NALCN: variants seen among roughly 807,000 people sequenced by gnomAD.
The protein encoded by NALCN is sodium leak channel NALCN.
Under a neutral mutation model 225.3 loss-of-function variants are expected in NALCN, and 111 were observed. The observed-to-expected ratio is 0.49, with a 90% confidence interval of 0.42 to 0.58. The LOEUF is 0.58. Among genes scored for constraint, NALCN ranks in the 20% least tolerant of loss-of-function variants. The pLI, the probability that NALCN is intolerant of heterozygous loss-of-function variation, is 0.00. For missense variants in NALCN, 1,378 were observed against 2,202.4 expected, an observed-to-expected ratio of 0.63 and a Z score of 7.49; for synonymous variants, 764 against 769.0, an observed-to-expected ratio of 0.99 and a Z score of 0.11.
intron 14 of NALCN, among the ~76,000 whole-genome samples, chr13:101,187,158 G>A (rs934586677): frequency 6.6e-6 from 1 of 152,118 alleles, no homozygotes; most frequent in Non-Finnish European, 1.5e-5. Context: ...GACAGAGAGA[G>A]AATGCGTATT....
At chr13:101,056,506 C>A (rs1486455788) in intron 43 of NALCN, among the ~76,000 whole-genome samples, 1 of 152,094 alleles carries the variant, frequency 6.6e-6, no homozygotes, top group Non-Finnish European at 1.5e-5. Flanking sequence ...AAATGATCCA[C>A]CTGCCTCGGC....
Position 101,288,863 on chromosome 13 carries a change from C to T in NALCN, c.1047+3127G>A, listed in dbSNP as rs1330293045. ...AAATTTAGCAGTTCTTTGAGTTCTA[C>T]TCAAGGCAAAGTTGGGATAAGCTCA... On this transcript the variant is annotated intron_variant, in intron 9 of 43. Transcript: ENST00000251127. 2.6e-5 allele frequency among the ~76,000 whole-genome samples: 4 copies of T among 152,156 alleles called. No homozygotes were observed. The East Asian group carries it at 7.7e-4, about 29-fold the overall frequency.
At chr13:101,172,390 T>C (rs1380650918) in intron 15 of NALCN, among the ~76,000 whole-genome samples, 1 of 152,106 alleles carries the variant, frequency 6.6e-6, no homozygotes, top group African/African-American at 2.4e-5. Context: ...GGTGTTTTCC[T>C]ACTTCACTTC....
intron 18 of NALCN, among the ~76,000 whole-genome samples, chr13:101,122,458 C>T (rs944737817): frequency 2.6e-5 from 4 of 152,024 alleles, no homozygotes; most frequent in African/African-American, 9.7e-5. Flanking sequence ...TAAACTACAC[C>T]ATTGTTAGGC....
rs951279450 is a variant in NALCN at position 101,089,017 on chromosome 13, C to T, written c.3489+646G>A. On this transcript the variant is annotated intron_variant, in intron 30 of 43. Transcript: ENST00000251127. This position sits in a 1 kb window ranked among gnomAD's most constrained non-coding sequence, Gnocchi z 4.7. The stretch of plus-strand genomic sequence containing the variant: ...GGTTCAAACGATTCTCATGCCTCAG[C>T]CAACCCAGTAGCTGGGATTACAGGC... 1.3e-5 allele frequency among the ~76,000 whole-genome samples: 2 copies of T among 151,984 alleles called. No individual in the cohort carries two copies. The highest frequency in any genetic ancestry group is 2.9e-5 in the Non-Finnish European group (2 of 67,998).
At position 101,214,502 on chromosome 13, in the gene NALCN, A is replaced by G. The variant is rs568114295; in HGVS notation, c.1626+14891T>C. ...GGAGTACTGTTTCTTCTTCTCAAAA[A>G]TTTATTAGTGAACCTCAGTTTCTCA... On this transcript the variant is annotated intron_variant, in intron 13 of 43. Coordinates refer to ENST00000251127, the MANE Select transcript of NALCN (RefSeq NM_052867.4). Among the ~76,000 whole-genome samples the G allele has an allele frequency of 4.6e-5, 7 of 152,166 alleles. No individual in the cohort carries two copies. In the East Asian group the frequency reaches 1.4e-3, roughly 29 times the overall value.
At position 101,238,208 on chromosome 13, in the gene NALCN, A is replaced by G. The variant is rs559208017; in HGVS notation, c.1267-286T>C. Reference sequence around the variant, plus strand: ...TATTTGATATTATTTTAAAACCATTATTATTTAAAGACTTTCTATGTACAC... The same window carrying G: ...TATTTGATATTATTTTAAAACCATTGTTATTTAAAGACTTTCTATGTACAC... On this transcript the variant is annotated intron_variant, in intron 11 of 43. Transcript: ENST00000251127. Among the ~76,000 whole-genome samples the G allele has an allele frequency of 2.7e-4, 41 of 151,976 alleles. 1 individual carries two copies. In the South Asian group the frequency reaches 8.5e-3, roughly 31 times the overall value.
intron 6 of NALCN, among the ~76,000 whole-genome samples, chr13:101,362,598 T>C (rs2046279922): frequency 6.6e-6 from 1 of 151,878 alleles, no homozygotes. Flanking sequence ...CTCAAAACAA[T>C]AAAGACCATA....
intron 11 of NALCN, among the ~76,000 whole-genome samples, chr13:101,252,322 G>T (rs538998153): frequency 1.1e-4 from 17 of 152,224 alleles, no homozygotes; most frequent in African/African-American, 3.9e-4. Flanking sequence ...ATATCCATGT[G>T]AAATCTTTGC....
intron 1 of NALCN, among the ~76,000 whole-genome samples, chr13:101,405,419 T>A (rs2047589961): frequency 1.3e-5 from 2 of 152,184 alleles, no homozygotes; most frequent in Admixed American, 6.5e-5. Context: ...TGTGTCACCA[T>A]CCCTGCCCAC....
chr13:101,090,997 C>T (rs2034203889), intron 28 of NALCN, among the ~76,000 whole-genome samples: 1 of 152,108 alleles, frequency 6.6e-6, no homozygotes, highest in Admixed American at 6.5e-5. Flanking sequence ...CATGGTTATA[C>T]TTTTCTCTTC....
At chr13:101,284,105 G>C in intron 9 of NALCN, 86 bp from the exon 10 acceptor site, 1 of 1,152,968 alleles carries the variant, frequency 8.7e-7, no homozygotes, top group Non-Finnish European at 1.2e-6. Flanking sequence ...ATATTTTTAT[G>C]TTATCAAAAA....
intron 27 of NALCN, 40 bp downstream of exon 27, chr13:101,100,744 C>T (rs2034765280): frequency 1.3e-6 from 2 of 1,536,296 alleles, no homozygotes; most frequent in Non-Finnish European, 1.8e-6. Flanking sequence ...CACACTTGGC[C>T]CTTAATTTTT....
chr13:101,096,284 G>A (rs1170176649), intron 27 of NALCN, among the ~76,000 whole-genome samples: 1 of 152,140 alleles, frequency 6.6e-6, no homozygotes, highest in Non-Finnish European at 1.5e-5. Flanking sequence ...GTTTATATAA[G>A]CATTATTCAC....
chr13:101,255,890 A>AT (rs907374871), intron 11 of NALCN, among the ~76,000 whole-genome samples: 3 of 152,142 alleles, frequency 2.0e-5, no homozygotes, highest in Admixed American at 6.5e-5. Context: ...TTTGCAACGT[A>AT]TTCCATGAGG....
intron 14 of NALCN, among the ~76,000 whole-genome samples, chr13:101,184,831 A>G (rs565667513): frequency 1.3e-5 from 2 of 152,306 alleles, no homozygotes; most frequent in South Asian, 4.1e-4. Flanking sequence ...GCAGATAGCC[A>G]TGACCTTACC....
intron 12 of NALCN, among the ~76,000 whole-genome samples, chr13:101,237,373 G>A (rs929264121): frequency 8.6e-5 from 13 of 151,914 alleles, no homozygotes; most frequent in Admixed American, 1.3e-4. Flanking sequence ...AGAAACACTT[G>A]GGATTAAATT....
At chr13:101,279,836 A>AAAAT (rs71121179) in intron 10 of NALCN, among the ~76,000 whole-genome samples, 28,808 of 133,630 alleles carry the variant, frequency 0.22, 3,393 homozygotes, top group East Asian at 0.41. Context: ...ATAAATAAAT[A>AAAAT]AAATAAATAA....
Position 101,230,027 on chromosome 13 carries a change from CTT to C in NALCN, c.1435-445_1435-444del, listed in dbSNP as rs1259630434. ...TTTATGATGGTTCAATGTATACACA[CTT>C]TGTTTCATGCATAAAAAAACTATTA... On this transcript the variant is annotated intron_variant, in intron 12 of 43. Transcript: ENST00000251127. Among the ~76,000 whole-genome samples the C allele has an allele frequency of 5.3e-5, 8 of 152,220 alleles. No homozygotes were observed. In the East Asian group the frequency reaches 1.5e-3, roughly 29 times the overall value.
Sources: allele counts gnomAD v4.1 joint callset (sites outside exome capture counted in the v4.1 genomes callset), GRCh38; gene constraint gnomAD v4.1.1; non-coding constraint Gnocchi (gnomAD v3.1); transcripts MANE v1.5; gene names NCBI Gene and HGNC (gene_info 2026-07-23, HGNC 2026-07-21).